The following CFAP410 variants were observed in gnomAD, a reference collection of about 807,000 sequenced individuals.
CFAP410 encodes cilia- and flagella-associated protein 410.
CFAP410 carries 27 observed loss-of-function variants against 25.7 expected under a neutral mutation model. The observed-to-expected ratio is 1.05, with a 90% CI of 0.77 to 1.45. The LOEUF (loss-of-function observed/expected upper bound fraction) is 1.45. CFAP410 is among the 40% of genes most tolerant of loss of function. The pLI is 0.00. For missense variants in CFAP410, 428 were observed against 354.1 expected (o/e 1.21, Z -1.67); for synonymous variants, 178 against 158.4 (o/e 1.12, Z -0.93).
In CFAP410 at chr21:44,339,138, G is replaced by A; in HGVS notation, c.57C>T (p.Ser19=). The A allele has an allele frequency of 2.7e-6, 4 of 1,461,910 alleles. No homozygotes were observed. Among genetic ancestry groups the A allele is most frequent in the South Asian group, 1.3e-5 (1 of 74,868 alleles). The allele number at this position is 1,461,910 out of a possible 1,614,324, so 90.6% of individuals were successfully genotyped here. The change falls in exon 1 of 7, where the codon AGC becomes AGT. Residue 19 remains serine (S), a synonymous_variant. Coordinates refer to ENST00000339818, the MANE Select transcript of CFAP410 (RefSeq NM_004928.3). ...CTCACCAGCAGTTGAGCTTGCGCAC[G>A]CTGTGCAGCTCCGAGGCCTTGGCCC... ...LTRAKASELH[S]VRKLNCWGSR...
In CFAP410 at chr21:44,339,361, C is replaced by T; in HGVS notation, c.-167G>A. On this transcript the variant is annotated 5_prime_UTR_variant, in exon 1 of 7. Coordinates refer to ENST00000339818, the MANE Select transcript of CFAP410 (RefSeq NM_004928.3). ...GCGGGGCGACGCGAGCCCGCTGGGG[C>T]CGCTTGGGCGCCGCTGACACGTTGG... 2.3e-6 allele frequency: 1 copy of T among 426,838 alleles called. No homozygotes were observed. Among genetic ancestry groups the T allele is most frequent in the Non-Finnish European group, 4.1e-6 (1 of 243,870 alleles). 26.4% of individuals were successfully genotyped at this position (426,838 alleles called of 1,614,324 possible).
At chr21:44,332,256 C>T in intron 4 of CFAP410, 2 of 455,288 alleles carry the variant, frequency 4.4e-6, no homozygotes, top group Non-Finnish European at 3.8e-6. Flanking sequence ...CAACACCAGC[C>T]TTGGCCAGAA....
chr21:44,332,756 G>A, intron 4 of CFAP410: 1 of 521,712 alleles, frequency 1.9e-6, no homozygotes, highest in South Asian at 3.0e-5. Context: ...GCAAAAGAAG[G>A]AACCCTTTTG....
At chr21:44,335,503 G>A (rs1375028400) in intron 3 of CFAP410, 1 of 571,648 alleles carries the variant, frequency 1.7e-6, no homozygotes, top group Non-Finnish European at 3.1e-6. Context: ...AGGGTGGGCA[G>A]GCGTACAGCA....
intron 3 of CFAP410, chr21:44,334,915 C>A (rs1341592148): frequency 6.4e-6 from 1 of 155,352 alleles, no homozygotes; most frequent in African/African-American, 2.4e-5. Flanking sequence ...GGCTGGCCTA[C>A]CCCGTGGCTG....
Position 44,330,725 on chromosome 21 carries a change from A to C in CFAP410, c.642+98T>G, listed in dbSNP as rs750020087. The C allele has an allele frequency of 4.4e-4, 689 of 1,549,024 alleles. 2 individuals carry two copies. The highest frequency in any genetic ancestry group is 5.3e-4 in the Non-Finnish European group (610 of 1,146,094). ...CTGTGAGGCTCCATGCTCCCTCCCC[A>C]CGGGGCCCTGTGAGGCTCCATGCTC... On this transcript the variant is annotated intron_variant, in intron 6 of 6. Transcript: ENST00000339818.
At chr21:44,335,957 G>A (rs1051874992) in intron 2 of CFAP410, 153 bp from the exon 3 acceptor site, 16 of 625,506 alleles carry the variant, frequency 2.6e-5, no homozygotes, top group Admixed American at 1.3e-4. Context: ...CAGGGTGAAT[G>A]CCCAGGGCCT....
chr21:44,330,941 G>T, intron 5 of CFAP410, 22 bp from the exon 6 acceptor site: 2 of 1,559,842 alleles, frequency 1.3e-6, no homozygotes, highest in South Asian at 2.4e-5. Flanking sequence ...ACAAAGGCGT[G>T]TGAGGGTCAG....
chr21:44,338,229 C>T, intron 1 of CFAP410: 1 of 1,221,684 alleles, frequency 8.2e-7, no homozygotes, highest in Non-Finnish European at 1.1e-6. Context: ...CAGGGAAGAG[C>T]TCACTCTGGG....
Position 44,330,476 on chromosome 21 carries a change from G to A in CFAP410, c.643-150C>T, listed in dbSNP as rs773375363. On this transcript the variant is annotated intron_variant, in intron 6 of 6. Transcript: ENST00000339818. ...CAAGTGACTGACCGGCACACTCGGA[G>A]AATCTGAGCAGAGGAGCCCCGCCTG... 5 of 1,533,840 alleles carry A rather than the reference G, an allele frequency of 3.3e-6. No individual in the cohort carries two copies. The South Asian group carries it at 4.8e-5, about 15-fold the overall frequency.
intron 3 of CFAP410, chr21:44,333,668 C>T (rs756356409): frequency 3.3e-6 from 1 of 302,920 alleles, no homozygotes; most frequent in Non-Finnish European, 6.3e-6. Flanking sequence ...GAGCCAGCTC[C>T]ACGTGACATG....
Position 44,337,655 on chromosome 21 carries a change from G to C in CFAP410, c.90C>G (p.Leu30=). ...TCTGTGAGGCAATACTTACATCTGT[G>C]AGGCGGCTGCCCCTGGGGAGAGAAA... is the stretch of plus-strand genomic sequence containing the variant. ...VRKLNCWGSR[L]TDISICQEMP... Residue 30 remains leucine (L), a synonymous_variant, in exon 2 of 7, where the codon CTC becomes CTG. Coordinates refer to ENST00000339818, the MANE Select transcript of CFAP410 (RefSeq NM_004928.3). 1 of 1,613,076 alleles carries C rather than the reference G, an allele frequency of 6.2e-7. No individual in the cohort carries two copies. Among genetic ancestry groups the C allele is most frequent in the Non-Finnish European group, 8.5e-7 (1 of 1,179,232 alleles).
chr21:44,336,243 C>T (rs910537830), intron 2 of CFAP410, among the ~76,000 whole-genome samples: 1 of 152,202 alleles, frequency 6.6e-6, no homozygotes, highest in Non-Finnish European at 1.5e-5. Context: ...AAATGTGAGG[C>T]TCCTCCTTGC....
rs772092677 is a variant in CFAP410, at chr21:44,330,581, C to G, written c.642+242G>C. On this transcript the variant is annotated intron_variant, in intron 6 of 6. Coordinates refer to ENST00000339818, the MANE Select transcript of CFAP410 (RefSeq NM_004928.3). ...GGGCCCGGGCCCACATTCCACAGAC[C>G]AGGACAGCAGGAGAGGCTGAGGGGC... is the stretch of plus-strand genomic sequence containing the variant. 2.3e-4 allele frequency: 354 copies of G among 1,549,774 alleles called. No homozygotes were observed. The Middle Eastern group carries it at 4.0e-3, about 18-fold the overall frequency.
intron 3 of CFAP410, chr21:44,333,595 C>T (rs1568988624): frequency 6.7e-6 from 3 of 450,880 alleles, no homozygotes; most frequent in Non-Finnish European, 1.2e-5. Flanking sequence ...TAAGGCCTCT[C>T]AGGGGACATA....
chr21:44,334,022 T>A, intron 3 of CFAP410: 1 of 439,074 alleles, frequency 2.3e-6, no homozygotes, highest in Non-Finnish European at 4.6e-6. Flanking sequence ...GTTTCCCAGG[T>A]CTCATGCAGC....
In CFAP410 at chr21:44,338,160, C is replaced by A. The variant is rs115007048; in HGVS notation, c.78-493G>T. 6,376 of 696,222 alleles carry A rather than the reference C, an allele frequency of 9.2e-3. 336 individuals are homozygous for A. In the African/African-American group the frequency reaches 0.11, roughly 12 times the overall value. 43.1% of individuals were successfully genotyped at this position (696,222 alleles called of 1,614,324 possible). On this transcript the variant is annotated intron_variant, in intron 1 of 6. Coordinates refer to ENST00000339818, the MANE Select transcript of CFAP410 (RefSeq NM_004928.3). ...AATGCATTATTGAAAGCAAATGACA[C>A]GGGAATTGTAGCCAAAACACCAGAT...
intron 2 of CFAP410, 50 bp from the exon 3 acceptor site, chr21:44,335,854 G>A (rs779571401): frequency 1.7e-5 from 23 of 1,389,470 alleles, no homozygotes; most frequent in Non-Finnish European, 2.1e-5. Context: ...AGGGCATCGC[G>A]GCCGCACTGC....
intron 3 of CFAP410, chr21:44,335,219 C>A (rs1034409440): frequency 6.4e-6 from 1 of 156,368 alleles, no homozygotes; most frequent in South Asian, 1.9e-4. Context: ...TACACCCCAA[C>A]TGCCTGAAAG....
Sources: allele counts gnomAD v4.1 joint callset (sites outside exome capture counted in the v4.1 genomes callset), GRCh38; gene constraint gnomAD v4.1.1; transcripts MANE v1.5; gene names NCBI Gene and HGNC (gene_info 2026-07-23, HGNC 2026-07-21).